Variants in MBD3 observed in about 807,000 individuals in gnomAD.
MBD3 encodes the protein methyl-CpG binding domain protein 3.
MBD3 carries 13 observed loss-of-function variants against 31.2 expected under a neutral mutation model. The observed-to-expected ratio is 0.42, with a 90% CI of 0.27 to 0.66. The LOEUF is 0.66. Ranked by LOEUF, MBD3 falls within the 30% of genes least tolerant of loss-of-function variation. MBD3 has a pLI of 0.26. For synonymous variants in MBD3, 223 were observed against 187.4 expected, an observed-to-expected ratio of 1.19 and a Z score of -1.55; for missense variants, 440 against 426.5, an observed-to-expected ratio of 1.03 and a Z score of -0.28.
Position 1,585,661 on chromosome 19 carries a change from G to A in MBD3, c.111-447C>T, listed in dbSNP as rs912803738. Reference sequence around the variant, plus strand: ...AGGGCTTTGGGCCCCGGCTCTGGGAGGATGGCTCACATGTCCAGAACATTC... The same window carrying A: ...AGGGCTTTGGGCCCCGGCTCTGGGAAGATGGCTCACATGTCCAGAACATTC... On this transcript the variant is annotated intron_variant, in intron 1 of 6. Coordinates refer to ENST00000434436, the MANE Select transcript of MBD3 (RefSeq NM_001281453.2). The surrounding 1 kb of genome is among the most constrained non-coding windows in gnomAD (Gnocchi z 4.1). 9 of 211,718 alleles carry A rather than the reference G, an allele frequency of 4.3e-5. No homozygotes were observed. The highest frequency in any genetic ancestry group is 2.1e-4 in the African/African-American group (9 of 42,274). The allele number at this position is 211,718 out of a possible 1,614,324, so 13.1% of individuals were successfully genotyped here.
At chr19:1,579,272 G>A (rs1247514652) in intron 5 of MBD3, among the ~76,000 whole-genome samples, 9 of 151,100 alleles carry the variant, frequency 6.0e-5, no homozygotes, top group Non-Finnish European at 1.2e-4. Context: ...CAGGCCGGGG[G>A]TCACCTTTCC....
chr19:1,583,485 C>G (rs938829523), intron 3 of MBD3: 1 of 152,000 alleles, frequency 6.6e-6, no homozygotes, highest in African/African-American at 2.4e-5. Flanking sequence ...GGCAGTCAAC[C>G]CCCTGTATCT....
intron 1 of MBD3, among the ~76,000 whole-genome samples, chr19:1,588,489 A>T (rs1176951776): frequency 6.6e-6 from 1 of 152,056 alleles, no homozygotes; most frequent in African/African-American, 2.4e-5. Flanking sequence ...TTTTAAGATG[A>T]AGGGAAACAA....
chr19:1,582,174 T>C (rs1470689273), intron 4 of MBD3, among the ~76,000 whole-genome samples: 3 of 152,006 alleles, frequency 2.0e-5, no homozygotes, highest in Admixed American at 1.3e-4. Flanking sequence ...AGTGCTGGGA[T>C]TATAGGTGTG....
In MBD3 at chr19:1,585,728, C is replaced by T. The variant is rs757537113; in HGVS notation, c.111-514G>A. ...GTCACATTCTTGAGAAAAGACCCCA[C>T]GGAGAACAGGTATGTGAGGGACAGC... On this transcript the variant is annotated intron_variant, in intron 1 of 6. Coordinates refer to ENST00000434436, the MANE Select transcript of MBD3 (RefSeq NM_001281453.2). The surrounding 1 kb of genome is among the most constrained non-coding windows in gnomAD (Gnocchi z 4.1). Among the ~76,000 whole-genome samples the T allele has an allele frequency of 2.0e-5, 3 of 152,210 alleles. No homozygotes were observed. Among genetic ancestry groups the T allele is most frequent in the Non-Finnish European group, 4.4e-5 (3 of 68,044 alleles).
chr19:1,588,498 A>G (rs1255087156), intron 1 of MBD3, among the ~76,000 whole-genome samples: 1 of 151,978 alleles, frequency 6.6e-6, no homozygotes, highest in Non-Finnish European at 1.5e-5. Context: ...GAAGGGAAAC[A>G]AGGCCGGGCG....
chr19:1,573,883 T>A lies in MBD3; in HGVS notation c.*4281A>T, dbSNP rs1309890893. On this transcript the variant is annotated 3_prime_UTR_variant, in exon 7 of 7. Transcript: ENST00000434436. ...TGGGTGTGGTGGCGGGCGCCCGTAA[T>A]CTCAGCTACTCAGCAGGCTGAGGCT... The A allele has an allele frequency of 2.0e-5, 3 of 152,132 alleles. No individual in the cohort carries two copies. Among genetic ancestry groups the A allele is most frequent in the Non-Finnish European group, 1.5e-5 (1 of 68,032 alleles). 9.4% of individuals were successfully genotyped at this position (152,132 alleles called of 1,614,324 possible). A position where few individuals can be genotyped will look rare whatever the true frequency, so the allele number is the denominator to read the frequency against.
chr19:1,590,007 T>G (rs979986571), intron 1 of MBD3, among the ~76,000 whole-genome samples: 3 of 152,114 alleles, frequency 2.0e-5, no homozygotes, highest in African/African-American at 7.2e-5. Context: ...ACTTTGTCAA[T>G]GTACTAAAAA....
Position 1,576,171 on chromosome 19 carries a change from AAC to A in MBD3, c.*1991_*1992del, listed in dbSNP as rs755201491. The stretch of plus-strand genomic sequence containing the variant: ...ACACAGTGGGAGATGGGAAGAGGGA[AAC>A]AGAGTGTCTCTGAGTGCCGGGCAGA... On this transcript the variant is annotated 3_prime_UTR_variant, in exon 7 of 7. Transcript: ENST00000434436. 1 of 152,550 alleles carries A rather than the reference AAC, an allele frequency of 6.6e-6. No homozygotes were observed. Among genetic ancestry groups the A allele is most frequent in the Non-Finnish European group, 1.5e-5 (1 of 68,334 alleles). The allele number at this position is 152,550 out of a possible 1,614,324, so 9.4% of individuals were successfully genotyped here.
intron 5 of MBD3, among the ~76,000 whole-genome samples, chr19:1,579,305 G>A (rs1041722359): frequency 2.0e-5 from 3 of 151,402 alleles, no homozygotes; most frequent in Non-Finnish European, 2.9e-5. Context: ...GCACCAGCGT[G>A]TACTCCTTTA....
chr19:1,584,963 C>A, intron 2 of MBD3, 92 bp downstream of exon 2: 3 of 1,541,804 alleles, frequency 1.9e-6, no homozygotes, highest in Non-Finnish European at 2.6e-6. Flanking sequence ...GCGCTCAGGA[C>A]GCCGGGCTGT....
rs2060670850 is a variant in MBD3, at chr19:1,584,892, GCGCTCTGCACCCTGTGGCCTGCGCCTTC to G, written c.270+135_270+162del. 1.3e-5 allele frequency: 15 copies of G among 1,159,328 alleles called. No homozygotes were observed. The Middle Eastern group carries it at 1.2e-3, about 90-fold the overall frequency. 71.8% of individuals were successfully genotyped at this position (1,159,328 alleles called of 1,614,324 possible). ...GGGCCGCGTCCTCGCCATGCGCCTT[GCGCTCTGCACCCTGTGGCCTGCGCCTTC>G]CGCTCTGTGCCCTCCGCCCGCTGTG... is the stretch of plus-strand genomic sequence containing the variant. On this transcript the variant is annotated intron_variant, in intron 2 of 6. Coordinates refer to ENST00000434436, the MANE Select transcript of MBD3 (RefSeq NM_001281453.2).
chr19:1,580,226 A>G (rs935257007), intron 5 of MBD3, among the ~76,000 whole-genome samples: 2 of 152,224 alleles, frequency 1.3e-5, no homozygotes, highest in Non-Finnish European at 2.9e-5. Context: ...GGGGGCCCAG[A>G]GGTACCACGG....
At position 1,577,842 on chromosome 19, in the gene MBD3, G is replaced by A. The variant is rs1917240853; in HGVS notation, c.*322C>T. The A allele has an allele frequency of 5.7e-6, 1 of 175,148 alleles. No homozygotes were observed. Among genetic ancestry groups the A allele is most frequent in the Admixed American group, 5.5e-5 (1 of 18,270 alleles). 10.8% of individuals were successfully genotyped at this position (175,148 alleles called of 1,614,324 possible). A position where few individuals can be genotyped will look rare whatever the true frequency, so the allele number is the denominator to read the frequency against. On this transcript the variant is annotated 3_prime_UTR_variant, in exon 7 of 7. Coordinates refer to ENST00000434436, the MANE Select transcript of MBD3 (RefSeq NM_001281453.2). ...GGCTGCTCTCCAGTCTCAAGGAGCT[G>A]GGACAGCGGGCATGGGGAGGAGCTG...
rs772451039 is a variant in MBD3, at chr19:1,582,721, G to A, written c.409-9C>T. 2.5e-6 allele frequency: 4 copies of A among 1,611,916 alleles called. No individual in the cohort carries two copies. Among genetic ancestry groups the A allele is most frequent in the Non-Finnish European group, 3.4e-6 (4 of 1,178,930 alleles). ...TTCTTCTCCCAGAAGAGCTGCCCCA[G>A]ACACATATGTGAACCTCAAGAGTGG... On this transcript the variant is annotated splice_polypyrimidine_tract_variant and intron_variant, in intron 3 of 6. Coordinates refer to ENST00000434436, the MANE Select transcript of MBD3 (RefSeq NM_001281453.2).
intron 1 of MBD3, among the ~76,000 whole-genome samples, chr19:1,587,157 G>C (rs974124896): frequency 6.6e-6 from 1 of 151,378 alleles, no homozygotes; most frequent in Admixed American, 6.6e-5. Context: ...AGTAGAGGTG[G>C]GGTTTCACAG....
In MBD3 at chr19:1,577,787, GC is replaced by G. The variant is rs1917239630; in HGVS notation, c.*376del. 6.1e-6 allele frequency: 1 copy of G among 164,772 alleles called. No individual in the cohort carries two copies. Among genetic ancestry groups the G allele is most frequent in the South Asian group, 1.6e-4 (1 of 6,160 alleles). The allele number at this position is 164,772 out of a possible 1,614,324, so 10.2% of individuals were successfully genotyped here. A position where few individuals can be genotyped will look rare whatever the true frequency, so the allele number is the denominator to read the frequency against. On this transcript the variant is annotated 3_prime_UTR_variant, in exon 7 of 7. Transcript: ENST00000434436. ...GAGAAACCCTCCCAGCTGTCAGCAA[GC>G]CGTGGCGCCGAGCTGCCGGGCACCT...
At chr19:1,583,706 T>TA (rs1243791575) in intron 3 of MBD3, among the ~76,000 whole-genome samples, 30 of 152,018 alleles carry the variant, frequency 2.0e-4, no homozygotes, top group Admixed American at 7.9e-4. Flanking sequence ...GTGAAAAACT[T>TA]AAAAAAATGA....
In MBD3 at chr19:1,578,588, C is replaced by T. The variant is rs372178368; in HGVS notation, c.678-50G>A. 7 of 1,606,962 alleles carry T rather than the reference C, an allele frequency of 4.4e-6. No individual in the cohort carries two copies. The African/African-American group carries it at 9.3e-5, about 21-fold the overall frequency. ...ACACCAAGGTGAGCGGCCAGCAGGA[C>T]ATGGACACAGGATGAACGTGGGGAC... On this transcript the variant is annotated intron_variant, in intron 5 of 6. Transcript: ENST00000434436. This position sits in a 1 kb window ranked among gnomAD's most constrained non-coding sequence, Gnocchi z 6.1.
Sources: gnomAD v4.1 joint callset for allele counts (sites outside exome capture counted in the v4.1 genomes callset) on GRCh38, gnomAD v4.1.1 for gene constraint, Gnocchi (gnomAD v3.1) non-coding constraint, MANE v1.5 for transcripts, NCBI Gene and HGNC (gene_info 2026-07-23, HGNC 2026-07-21) for gene names.